Variants in PTPRJ observed in about 807,000 individuals in gnomAD.
PTPRJ encodes receptor-type tyrosine-protein phosphatase eta.
Under a neutral mutation model 141.3 loss-of-function variants are expected in PTPRJ, and 129 were observed. That is an observed-to-expected ratio of 0.91 (90% CI 0.79 to 1.06). PTPRJ has a LOEUF of 1.06. Ranked by LOEUF, PTPRJ falls within the 50% of genes least tolerant of loss-of-function variation. The pLI, the probability that PTPRJ is intolerant of heterozygous loss-of-function variation, is 0.00. For synonymous variants in PTPRJ, 610 were observed against 640.5 expected (o/e 0.95, Z 0.72); for missense variants, 1,601 against 1,679.7 (o/e 0.95, Z 0.82).
chr11:48,061,548 C>G (rs914494837), intron 1 of PTPRJ, among the ~76,000 whole-genome samples: 1 of 152,268 alleles, frequency 6.6e-6, no homozygotes, highest in Non-Finnish European at 1.5e-5. Context: ...GATCTCTGTT[C>G]GGTGGATGAG....
At chr11:48,155,779 C>CT in intron 19 of PTPRJ, 22 bp from the exon 20 acceptor site, 2 of 1,548,790 alleles carry the variant, frequency 1.3e-6, no homozygotes, top group Non-Finnish European at 1.8e-6. Context: ...TAATGGGGAC[C>CT]TTTTTTCTTT....
At chr11:48,013,436 C>T (rs563131004) in intron 1 of PTPRJ, among the ~76,000 whole-genome samples, 2 of 152,252 alleles carry the variant, frequency 1.3e-5, no homozygotes, top group African/African-American at 4.8e-5. Flanking sequence ...GAATGGTCCT[C>T]GGGATCTGAA....
intron 1 of PTPRJ, among the ~76,000 whole-genome samples, chr11:48,106,609 A>G (rs1468757671): frequency 6.6e-6 from 1 of 152,034 alleles, no homozygotes; most frequent in African/African-American, 2.4e-5. Context: ...GAAGAGGAGA[A>G]TACGTAGGGG....
At position 48,055,911 on chromosome 11, in the gene PTPRJ, T is replaced by G. The variant is rs551115886; in HGVS notation, c.97-54147T>G. Among the ~76,000 whole-genome samples the G allele has an allele frequency of 1.1e-4, 17 of 152,332 alleles. No individual in the cohort carries two copies. In the South Asian group the frequency reaches 3.3e-3, roughly 30 times the overall value. ...GATCCCTTTCCAGGCTTTGGGAGAA[T>G]GTTTTTTCCAGCTCGGTTACTTGCT... On this transcript the variant is annotated intron_variant, in intron 1 of 24. Coordinates refer to ENST00000418331, the MANE Select transcript of PTPRJ (RefSeq NM_002843.4).
intron 1 of PTPRJ, among the ~76,000 whole-genome samples, chr11:48,040,609 C>CTTTTTTTT (rs371103069): frequency 1.6e-4 from 24 of 146,028 alleles, no homozygotes; most frequent in African/African-American, 6.5e-4. Context: ...TCTTCTTCTT[C>CTTTTTTTT]TTCTTTTTTT....
rs1853885860 is a variant in PTPRJ, at chr11:47,980,965, G to T, written c.53G>T (p.Arg18Leu). 1.2e-5 allele frequency: 14 copies of T among 1,208,652 alleles called. No homozygotes were observed. Among genetic ancestry groups the T allele is most frequent in the East Asian group, 3.3e-5 (1 of 29,954 alleles). The allele number at this position is 1,208,652 out of a possible 1,614,324, so 74.9% of individuals were successfully genotyped here. A position where few individuals can be genotyped will look rare whatever the true frequency, so the allele number is the denominator to read the frequency against. ...CTGCCTCCGCGCTCGCCCGGGCTGC[G>T]CTGGGCGCTGCCGCTGCTGCTGCTG... Reference protein sequence around the residue: ...ARLPPRSPGLRWALPLLLLLL... With the variant: ...ARLPPRSPGLLWALPLLLLLL... The change falls in exon 1 of 25, where the codon CGC becomes CTC. Residue 18 changes from arginine (R) to leucine (L), a missense_variant. Transcript: ENST00000418331.
intron 1 of PTPRJ, among the ~76,000 whole-genome samples, chr11:48,079,351 T>C (rs905006539): frequency 6.6e-6 from 1 of 151,944 alleles, no homozygotes; most frequent in Non-Finnish European, 1.5e-5. Flanking sequence ...GTGTTCTAGA[T>C]GTAGGCATCT....
At position 48,107,943 on chromosome 11, in the gene PTPRJ, G is replaced by A. The variant is rs531517268; in HGVS notation, c.97-2115G>A. Among the ~76,000 whole-genome samples, 5 of 152,282 alleles carry A rather than the reference G, an allele frequency of 3.3e-5. No homozygotes were observed. In the South Asian group the frequency reaches 1.0e-3, roughly 32 times the overall value. ...ATACAGAAATAAAAAAATTAGCTGG[G>A]CATGGTGGTGCATGCCTGTAGTCCC... On this transcript the variant is annotated intron_variant, in intron 1 of 24. Coordinates refer to ENST00000418331, the MANE Select transcript of PTPRJ (RefSeq NM_002843.4).
rs61737868 is a variant in PTPRJ at position 48,121,225 on chromosome 11, A to G, written c.575A>G (p.Asn192Ser). The part of the protein sequence containing the change: ...YVFSITPGIG[N>S]ETWGDPRVIK... The stretch of plus-strand genomic sequence containing the variant: ...TTCTCCATCACTCCAGGAATAGGCA[A>G]TGAGACTTGGGGAGATCCCAGAGTC... Residue 192 changes from asparagine (N) to serine (S), a missense_variant, in exon 4 of 25, where the codon AAT (asparagine) becomes AGT (serine). Transcript: ENST00000418331. The G allele has an allele frequency of 1.2e-3, 2,001 of 1,614,194 alleles. 23 individuals are homozygous for G. The African/African-American group carries it at 0.022, about 18-fold the overall frequency.
chr11:48,047,203 A>T (rs1024661347), intron 1 of PTPRJ, among the ~76,000 whole-genome samples: 1 of 152,160 alleles, frequency 6.6e-6, no homozygotes, highest in African/African-American at 2.4e-5. Flanking sequence ...GGCATGAGCC[A>T]CAGTGCCAGG....
At chr11:48,050,320 AC>A (rs1247612312) in intron 1 of PTPRJ, among the ~76,000 whole-genome samples, 1 of 152,128 alleles carries the variant, frequency 6.6e-6, no homozygotes, top group Non-Finnish European at 1.5e-5. Flanking sequence ...TATCCCATAT[AC>A]CCCTGGCCCC....
At chr11:48,130,029 GT>G (rs1856932963) in intron 7 of PTPRJ, among the ~76,000 whole-genome samples, 1 of 151,702 alleles carries the variant, frequency 6.6e-6, no homozygotes. Flanking sequence ...AAAAATCTGG[GT>G]GGGTATGATG....
intron 3 of PTPRJ, among the ~76,000 whole-genome samples, chr11:48,114,214 G>T (rs1590518993): frequency 6.6e-6 from 1 of 152,006 alleles, no homozygotes; most frequent in African/African-American, 2.4e-5. Context: ...TAAGGTGGGT[G>T]ATCACCTGAG....
At chr11:47,990,119 C>A (rs971975281) in intron 1 of PTPRJ, among the ~76,000 whole-genome samples, 7 of 152,064 alleles carry the variant, frequency 4.6e-5, no homozygotes. Flanking sequence ...GCACTCCAGC[C>A]TGGGCGACAG....
At chr11:48,113,462 T>TA (rs550622448) in intron 3 of PTPRJ, among the ~76,000 whole-genome samples, 197 of 152,368 alleles carry the variant, frequency 1.3e-3, no homozygotes, top group African/African-American at 4.7e-3. Flanking sequence ...TTTTTGTAAG[T>TA]AAAGTTTTAT....
In PTPRJ at chr11:48,019,263, C is replaced by T. The variant is rs968447719; in HGVS notation, c.96+38255C>T. On this transcript the variant is annotated intron_variant, in intron 1 of 24. Transcript: ENST00000418331. ...AACAACAGAAGAGGATTTTCAGTGA[C>T]GAGGAAGCATCCCGCCCTTCTGGTT... Among the ~76,000 whole-genome samples the T allele has an allele frequency of 3.3e-5, 5 of 152,100 alleles. No homozygotes were observed. In the South Asian group the frequency reaches 6.2e-4, roughly 19 times the overall value.
At chr11:48,135,080 A>C (rs1476671125) in intron 8 of PTPRJ, among the ~76,000 whole-genome samples, 1 of 152,074 alleles carries the variant, frequency 6.6e-6, no homozygotes, top group Non-Finnish European at 1.5e-5. Context: ...ACATAGCTTC[A>C]TGAACTTTTA....
At chr11:47,991,937 G>T (rs776219812) in intron 1 of PTPRJ, among the ~76,000 whole-genome samples, 8 of 152,120 alleles carry the variant, frequency 5.3e-5, no homozygotes, top group Non-Finnish European at 1.2e-4. Context: ...TTATTGTGCT[G>T]AGACACTGGC....
chr11:48,061,176 A>G (rs1256510483), intron 1 of PTPRJ, among the ~76,000 whole-genome samples: 1 of 152,002 alleles, frequency 6.6e-6, no homozygotes, highest in Non-Finnish European at 1.5e-5. Flanking sequence ...GGATTTCACT[A>G]TGTTGGCCAG....
Sources: gnomAD v4.1 joint callset for allele counts (sites outside exome capture counted in the v4.1 genomes callset) on GRCh38, gnomAD v4.1.1 for gene constraint, MANE v1.5 for transcripts, NCBI Gene and HGNC (gene_info 2026-07-23, HGNC 2026-07-21) for gene names.